Variants in DIP2C observed in about 807,000 individuals in gnomAD.
DIP2C encodes DIP2 acetate--CoA ligase C (putative).
A neutral mutation model predicts 192.4 loss-of-function variants in DIP2C; 33 were observed. That is an observed-to-expected ratio of 0.17 (90% CI 0.13 to 0.23). The LOEUF is 0.23. Ranked by LOEUF, DIP2C falls within the 10% of genes least tolerant of loss-of-function variation. The pLI, the probability that DIP2C is intolerant of heterozygous loss-of-function variation, is 1.00. For missense variants in DIP2C, 1,537 were observed against 2,110.1 expected, an observed-to-expected ratio of 0.73 and a Z score of 5.32; for synonymous variants, 979 against 864.1, an observed-to-expected ratio of 1.13 and a Z score of -2.33.
intron 1 of DIP2C, among the ~76,000 whole-genome samples, chr10:521,005 A>G (rs1846671110): frequency 6.6e-6 from 1 of 152,228 alleles, no homozygotes; most frequent in South Asian, 2.1e-4. Flanking sequence ...TATTAATCAA[A>G]TGGAAATATG....
intron 13 of DIP2C, 36 bp from the exon 14 acceptor site, chr10:387,845 G>A: frequency 6.2e-7 from 1 of 1,607,800 alleles, no homozygotes. Flanking sequence ...TTTTTACTTA[G>A]GACAGGGCGG....
chr10:423,251 T>G (rs1333115699), intron 4 of DIP2C, among the ~76,000 whole-genome samples: 2 of 152,220 alleles, frequency 1.3e-5, no homozygotes. Context: ...AAACATGCTA[T>G]AAGATGTTTG....
At chr10:341,459 A>G in intron 28 of DIP2C, 130 bp from the exon 29 acceptor site, 2 of 1,333,642 alleles carry the variant, frequency 1.5e-6, no homozygotes, top group South Asian at 1.3e-5. Context: ...CACCCGGGAC[A>G]ATACGGGGCT....
chr10:647,572 A>G (rs909854952), intron 1 of DIP2C, among the ~76,000 whole-genome samples: 1 of 149,980 alleles, frequency 6.7e-6, no homozygotes, highest in South Asian at 2.2e-4. Context: ...GTCCACGTCC[A>G]CATTTGACGG....
chr10:609,017 G>A (rs1232291753), intron 1 of DIP2C, among the ~76,000 whole-genome samples: 1 of 151,698 alleles, frequency 6.6e-6, no homozygotes, highest in African/African-American at 2.4e-5. Context: ...AACCCTATAA[G>A]CATGATTTTG....
chr10:472,670 G>A, intron 2 of DIP2C, 121 bp from the exon 3 acceptor site: 1 of 856,498 alleles, frequency 1.2e-6, no homozygotes, highest in African/African-American at 1.7e-5. Flanking sequence ...GACTGGGCAT[G>A]GCGGCGCCTC....
Position 308,367 on chromosome 10 carries a change from C to G in DIP2C, c.3986+1664G>C, listed in dbSNP as rs556321286. On this transcript the variant is annotated intron_variant, in intron 32 of 36. Transcript: ENST00000280886. ...TTCCTATGTACTCTCACTTCCATTT[C>G]AGATGCTTTCCAAAGCAGCTAGCAG... Among the ~76,000 whole-genome samples the G allele has an allele frequency of 1.3e-4, 19 of 151,902 alleles. 1 individual carries two copies. Among genetic ancestry groups the G allele is most frequent in the African/African-American group, 4.4e-4 (18 of 41,156 alleles).
At chr10:650,509 C>T (rs1332056262) in intron 1 of DIP2C, 1 of 692,394 alleles carries the variant, frequency 1.4e-6, no homozygotes, top group Non-Finnish European at 2.6e-6. Flanking sequence ...CTATACTCTT[C>T]CCCTGCCCCA....
chr10:624,891 C>A (rs958426058), intron 1 of DIP2C, among the ~76,000 whole-genome samples: 1 of 152,116 alleles, frequency 6.6e-6, no homozygotes, highest in Non-Finnish European at 1.5e-5. Flanking sequence ...GGGAGCCGCA[C>A]TGGGGACAGA....
chr10:356,569 G>A, intron 23 of DIP2C, 63 bp from the exon 24 acceptor site: 1 of 1,431,680 alleles, frequency 7.0e-7, no homozygotes, highest in Non-Finnish European at 9.6e-7. Flanking sequence ...GCGGGCTGAG[G>A]TGGGGCAACC....
intron 30 of DIP2C, among the ~76,000 whole-genome samples, chr10:327,477 G>A (rs930478543): frequency 1.2e-4 from 19 of 152,216 alleles, no homozygotes; most frequent in Admixed American, 6.5e-4. Flanking sequence ...TGGCTGAGAC[G>A]ATGAAAGGCC....
At chr10:591,770 G>GT (rs1851416239) in intron 1 of DIP2C, among the ~76,000 whole-genome samples, 1 of 152,018 alleles carries the variant, frequency 6.6e-6, no homozygotes, top group South Asian at 2.1e-4. Flanking sequence ...CAACACAAAG[G>GT]TACCACACCC....
At chr10:505,865 G>A (rs917569389) in intron 1 of DIP2C, among the ~76,000 whole-genome samples, 2 of 152,214 alleles carry the variant, frequency 1.3e-5, no homozygotes, top group South Asian at 4.1e-4. Flanking sequence ...GACAACAGTA[G>A]GATGCTGCAT....
chr10:410,897 T>G (rs1965141042), intron 8 of DIP2C, among the ~76,000 whole-genome samples: 1 of 152,266 alleles, frequency 6.6e-6, no homozygotes, highest in South Asian at 2.1e-4. Flanking sequence ...ACAGCAGTTC[T>G]TAACTGATTC....
chr10:299,151 A>G (rs573282887), intron 32 of DIP2C, among the ~76,000 whole-genome samples: 212 of 152,312 alleles, frequency 1.4e-3, no homozygotes, highest in African/African-American at 4.8e-3. Flanking sequence ...CACAATGTGC[A>G]CACACAGTTT....
At chr10:279,981 G>GT (rs777197801) in intron 36 of DIP2C, among the ~76,000 whole-genome samples, 8 of 152,226 alleles carry the variant, frequency 5.3e-5, no homozygotes, top group Non-Finnish European at 1.0e-4. Flanking sequence ...ACGGAAGGCT[G>GT]TAACTGATAT....
intron 10 of DIP2C, among the ~76,000 whole-genome samples, chr10:393,793 A>AAAG (rs1554841494): frequency 2.2e-4 from 30 of 135,054 alleles, no homozygotes; most frequent in African/African-American, 8.0e-4. Context: ...AAAAAAAAAA[A>AAAG]AAAGAAAAAA....
At chr10:356,157 T>G in intron 24 of DIP2C, 1 of 573,192 alleles carries the variant, frequency 1.7e-6, no homozygotes, top group East Asian at 2.9e-5. Context: ...ATTTCTCTCT[T>G]GCAGATATCA....
chr10:500,455 A>T (rs79737243), intron 1 of DIP2C, among the ~76,000 whole-genome samples: 2,083 of 152,370 alleles, frequency 0.014, 59 homozygotes, highest in African/African-American at 0.048. Context: ...CTTGTTTGGG[A>T]ACACTGTACG....
Sources: gnomAD v4.1 joint callset for allele counts (sites outside exome capture counted in the v4.1 genomes callset) on GRCh38, gnomAD v4.1.1 for gene constraint, MANE v1.5 for transcripts, NCBI Gene and HGNC (gene_info 2026-07-23, HGNC 2026-07-21) for gene names.